MAGI2: variants seen among roughly 807,000 people sequenced by gnomAD.
MAGI2 encodes the protein membrane associated guanylate kinase, WW and PDZ domain containing 2.
A neutral mutation model predicts 133.3 loss-of-function variants in MAGI2; 35 were observed. That is an observed-to-expected ratio of 0.26 (90% CI 0.20 to 0.35). MAGI2 has a LOEUF of 0.35. Ranked by LOEUF, MAGI2 falls within the 10% of genes least tolerant of loss-of-function variation. The probability of loss-of-function intolerance (pLI) is 1.00; values close to 1 mark genes in which losing one functional copy is unlikely to be tolerated. For synonymous variants in MAGI2, 729 were observed against 710.6 expected (o/e 1.03, Z -0.41); for missense variants, 1,636 against 1,863.4 (o/e 0.88, Z 2.25).
intron 1 of MAGI2, among the ~76,000 whole-genome samples, chr7:79,209,004 T>C (rs1485842955): frequency 6.6e-6 from 1 of 151,986 alleles, no homozygotes; most frequent in Non-Finnish European, 1.5e-5. Flanking sequence ...AGAATGGTAG[T>C]TACCAGAATC....
At chr7:78,362,025 G>A (rs1411370596) in intron 7 of MAGI2, among the ~76,000 whole-genome samples, 5 of 152,106 alleles carry the variant, frequency 3.3e-5, no homozygotes, top group Admixed American at 6.5e-5. Flanking sequence ...GAGGGGGCTG[G>A]GTTCGGTGGC....
At chr7:79,066,021 A>G (rs746534866) in intron 1 of MAGI2, among the ~76,000 whole-genome samples, 1 of 152,178 alleles carries the variant, frequency 6.6e-6, no homozygotes, top group African/African-American at 2.4e-5. Context: ...CAGTAAACAT[A>G]CACGTGTATG....
At chr7:79,400,529 C>T (rs1845394650) in intron 1 of MAGI2, among the ~76,000 whole-genome samples, 1 of 152,166 alleles carries the variant, frequency 6.6e-6, no homozygotes, top group Admixed American at 6.5e-5. Context: ...ATAATAAAAT[C>T]CTTGCCCTGT....
intron 2 of MAGI2, among the ~76,000 whole-genome samples, chr7:78,988,294 T>C (rs1308613145): frequency 6.6e-6 from 1 of 152,070 alleles, no homozygotes; most frequent in East Asian, 1.9e-4. Flanking sequence ...TACATTGAGG[T>C]CTATCATAAT....
At chr7:78,686,945 T>C (rs936644770) in intron 2 of MAGI2, among the ~76,000 whole-genome samples, 8 of 152,192 alleles carry the variant, frequency 5.3e-5, no homozygotes, top group Admixed American at 4.6e-4. Flanking sequence ...ATGAGCTTCA[T>C]TATTGCAAGA....
chr7:78,877,567 G>T (rs777040997), intron 2 of MAGI2, among the ~76,000 whole-genome samples: 1 of 152,162 alleles, frequency 6.6e-6, no homozygotes. Flanking sequence ...TTCTTGAGGG[G>T]CAAGGGTTGA....
intron 1 of MAGI2, among the ~76,000 whole-genome samples, chr7:79,294,651 C>G (rs1402803957): frequency 6.6e-6 from 1 of 150,846 alleles, no homozygotes; most frequent in East Asian, 1.9e-4. Flanking sequence ...GATAACCCGA[C>G]CTGATCAAGT....
intron 2 of MAGI2, among the ~76,000 whole-genome samples, chr7:78,783,628 A>G (rs974611216): frequency 7.9e-5 from 12 of 152,198 alleles, no homozygotes; most frequent in African/African-American, 2.7e-4. Flanking sequence ...TTGGAAATCA[A>G]TAAAGTGTAA....
At chr7:78,522,824 G>A (rs1796621966) in intron 3 of MAGI2, among the ~76,000 whole-genome samples, 1 of 152,134 alleles carries the variant, frequency 6.6e-6, no homozygotes, top group Non-Finnish European at 1.5e-5. Context: ...AGTTAATTGA[G>A]TAATTTATGC....
At chr7:78,113,292 A>C (rs1055665391) in intron 20 of MAGI2, among the ~76,000 whole-genome samples, 16 of 152,142 alleles carry the variant, frequency 1.1e-4, no homozygotes, top group African/African-American at 3.6e-4. Flanking sequence ...TGTTTTGAAA[A>C]GGAACCATCT....
At chr7:79,121,755 T>C (rs1049146791) in intron 1 of MAGI2, among the ~76,000 whole-genome samples, 15 of 152,172 alleles carry the variant, frequency 9.9e-5, no homozygotes, top group African/African-American at 3.6e-4. Context: ...AGTTTTTTCT[T>C]TCTTTTTCAT....
intron 1 of MAGI2, among the ~76,000 whole-genome samples, chr7:79,103,760 C>T (rs552830802): frequency 5.9e-5 from 9 of 151,944 alleles, no homozygotes; most frequent in South Asian, 2.1e-4. Context: ...AGTGCAGTGG[C>T]GCAATCTTGG....
intron 3 of MAGI2, among the ~76,000 whole-genome samples, chr7:78,552,063 G>A (rs905936618): frequency 6.6e-6 from 1 of 150,744 alleles, no homozygotes; most frequent in East Asian, 2.0e-4. Context: ...CATTGTTAAT[G>A]AAATAAAAGG....
intron 1 of MAGI2, among the ~76,000 whole-genome samples, chr7:79,165,957 G>T (rs1243633629): frequency 6.6e-6 from 1 of 152,062 alleles, no homozygotes; most frequent in Non-Finnish European, 1.5e-5. Flanking sequence ...AAAATGGAAT[G>T]CTTGTTCTAT....
chr7:78,752,342 C>T (rs1823529914), intron 2 of MAGI2, among the ~76,000 whole-genome samples: 1 of 152,126 alleles, frequency 6.6e-6, no homozygotes, highest in Non-Finnish European at 1.5e-5. Flanking sequence ...GTGGCTCATG[C>T]CTGTAATCCC....
chr7:78,727,377 T>G (rs770323147), intron 2 of MAGI2, among the ~76,000 whole-genome samples: 75 of 152,218 alleles, frequency 4.9e-4, no homozygotes, highest in Admixed American at 5.2e-4. Flanking sequence ...TGTATGATAC[T>G]TGATAGCAGA....
chr7:78,993,751 TG>T (rs539303641), intron 2 of MAGI2, among the ~76,000 whole-genome samples: 27 of 152,148 alleles, frequency 1.8e-4, no homozygotes, highest in African/African-American at 5.8e-4. Context: ...ACACCTTGCA[TG>T]GTTTTATTAC....
intron 1 of MAGI2, among the ~76,000 whole-genome samples, chr7:79,137,786 T>C (rs1463925232): frequency 2.6e-5 from 4 of 152,172 alleles, no homozygotes; most frequent in East Asian, 3.9e-4. Flanking sequence ...TTACACCCTG[T>C]GGTAGACAGA....
intron 9 of MAGI2, among the ~76,000 whole-genome samples, chr7:78,334,512 G>C (rs916865427): frequency 2.0e-5 from 3 of 152,160 alleles, no homozygotes; most frequent in Non-Finnish European, 4.4e-5. Flanking sequence ...GTAAAGATTA[G>C]GGTTTTTTCT....
Sources: gnomAD v4.1 joint callset for allele counts (sites outside exome capture counted in the v4.1 genomes callset) on GRCh38, gnomAD v4.1.1 for gene constraint, MANE v1.5 for transcripts, NCBI Gene and HGNC (gene_info 2026-07-23, HGNC 2026-07-21) for gene names.